Variants in DST observed in about 807,000 individuals in gnomAD.
DST encodes dystonin.
A neutral mutation model predicts 875.2 loss-of-function variants in DST; 253 were observed. The observed-to-expected ratio is 0.29, with a 90% CI of 0.26 to 0.32. DST has a LOEUF of 0.32. Among genes scored for constraint, DST ranks in the 10% least tolerant of loss-of-function variants. The pLI is 1.00. For synonymous variants in DST, 3,124 were observed against 3,197.1 expected (o/e 0.98, Z 0.77); for missense variants, 8,287 against 9,111.6 (o/e 0.91, Z 3.68).
chr6:56,645,810 A>T, intron 15 of DST, 56 bp downstream of exon 15: 3 of 1,589,172 alleles, frequency 1.9e-6, no homozygotes, highest in Non-Finnish European at 2.6e-6. Flanking sequence ...CTTTCACAAG[A>T]ACACAAAGGC....
intron 37 of DST, among the ~76,000 whole-genome samples, chr6:56,611,809 A>G (rs560785877): frequency 6.6e-6 from 1 of 152,296 alleles, no homozygotes; most frequent in South Asian, 2.1e-4. Context: ...CTCTATCCTT[A>G]ATGCCGTCAT....
chr6:56,523,172 A>G (rs1011357621), intron 69 of DST, among the ~76,000 whole-genome samples: 1 of 152,090 alleles, frequency 6.6e-6, no homozygotes, highest in African/African-American at 2.4e-5. Context: ...CAATGCCCGC[A>G]AATCTAGAGT....
At chr6:56,839,046 G>T (rs1180618292) in intron 4 of DST, among the ~76,000 whole-genome samples, 4 of 152,236 alleles carry the variant, frequency 2.6e-5, no homozygotes, top group African/African-American at 7.2e-5. Context: ...CTTCAATTTT[G>T]TTCAGGGCAC....
chr6:56,860,698 C>T (rs1482326800), intron 3 of DST, among the ~76,000 whole-genome samples: 1 of 152,188 alleles, frequency 6.6e-6, no homozygotes, highest in Non-Finnish European at 1.5e-5. Context: ...TCTATTCACA[C>T]TTGTTTGATC....
At chr6:56,599,427 GAC>G (rs1209002915) in intron 45 of DST, among the ~76,000 whole-genome samples, 1 of 152,016 alleles carries the variant, frequency 6.6e-6, no homozygotes, top group African/African-American at 2.4e-5. Context: ...ATGACTATGT[GAC>G]CTTAACTGTG....
At chr6:56,474,254 C>G (rs2095053031) in intron 92 of DST, 1 of 312,194 alleles carries the variant, frequency 3.2e-6, no homozygotes, top group Non-Finnish European at 6.0e-6. Flanking sequence ...GAGGCCAAGG[C>G]AGGTGGATCA....
At chr6:56,758,105 T>TG (rs2099608596) in intron 4 of DST, among the ~76,000 whole-genome samples, 6 of 152,148 alleles carry the variant, frequency 3.9e-5, no homozygotes, top group Admixed American at 3.9e-4. Flanking sequence ...AGCAGAAACT[T>TG]TTCCCCATAT....
At chr6:56,914,565 C>T (rs1800061369) in intron 2 of DST, among the ~76,000 whole-genome samples, 1 of 152,190 alleles carries the variant, frequency 6.6e-6, no homozygotes, top group Admixed American at 6.5e-5. Flanking sequence ...CCCAATCCTG[C>T]TTCCCTCACT....
chr6:56,953,749 T>A, intron 2 of DST, 36 bp downstream of exon 2: 1 of 1,303,082 alleles, frequency 7.7e-7, no homozygotes, highest in South Asian at 1.2e-5. Flanking sequence ...AAAGAGAACT[T>A]CTTCTGACCT....
intron 47 of DST, among the ~76,000 whole-genome samples, 176 bp downstream of exon 47, chr6:56,597,564 C>T (rs2098403568): frequency 6.6e-6 from 1 of 152,142 alleles, no homozygotes; most frequent in Non-Finnish European, 1.5e-5. Flanking sequence ...CAATTTATTT[C>T]TCATTATTTT....
At chr6:56,511,148 G>T in intron 73 of DST, 49 bp downstream of exon 73, 2 of 1,446,024 alleles carry the variant, frequency 1.4e-6, no homozygotes, top group Non-Finnish European at 1.9e-6. Flanking sequence ...GTCTTTCTGT[G>T]CTCTGTTGTC....
At chr6:56,751,969 C>T (rs914631925) in intron 4 of DST, among the ~76,000 whole-genome samples, 2 of 152,086 alleles carry the variant, frequency 1.3e-5, no homozygotes, top group Non-Finnish European at 2.9e-5. Flanking sequence ...TTTTTGCATA[C>T]AAATCTCTAT....
At position 56,946,339 on chromosome 6, in the gene DST, G is replaced by A. The variant is rs558370868; in HGVS notation, c.216+7446C>T. On this transcript the variant is annotated intron_variant, in intron 2 of 103. Coordinates refer to ENST00000680361, the MANE Select transcript of DST (RefSeq NM_001374736.1). ...TAAGTGTGAGTGGTTCTAAATAGTA[G>A]CAGCAGAAGCCAGATTAAATTGAGG... 1.4e-4 allele frequency among the ~76,000 whole-genome samples: 21 copies of A among 152,336 alleles called. No individual in the cohort carries two copies. In the South Asian group the frequency reaches 4.3e-3, roughly 32 times the overall value.
At chr6:56,618,463 T>C (rs751127814) in intron 36 of DST, 3 of 1,614,104 alleles carry the variant, frequency 1.9e-6, no homozygotes, top group Non-Finnish European at 2.5e-6. Flanking sequence ...CTAATTGATG[T>C]TCATGCTCTT....
chr6:56,463,764 G>A lies in DST; in HGVS notation c.22760C>T (p.Ala7587Val). The A allele has an allele frequency of 1.2e-6, 2 of 1,613,908 alleles. No individual in the cohort carries two copies. Among genetic ancestry groups the A allele is most frequent in the Non-Finnish European group, 1.7e-6 (2 of 1,179,874 alleles). The change falls in exon 101 of 104, where the codon GCC becomes GTC. Residue 7587 changes from alanine (A) to valine (V), a missense_variant and splice_region_variant. By Grantham distance (64) the Ala-to-Val change is moderately conservative (BLOSUM62 0). Coordinates refer to ENST00000680361, the MANE Select transcript of DST (RefSeq NM_001374736.1). ...SSITTTQPTIAKGRTNMELRE... is the reference protein window; with the variant it reads ...SSITTTQPTIVKGRTNMELRE... ...CAGTTCCATGTTTGTCCTTCCTTTG[G>A]CTGGGTTATACACACACAACAATGC...
chr6:56,585,922 T>C (rs1274587618), intron 49 of DST, among the ~76,000 whole-genome samples: 1 of 152,230 alleles, frequency 6.6e-6, no homozygotes. Flanking sequence ...AGTTTCTTAA[T>C]CCTGAGCTCT....
chr6:56,857,575 C>A (rs1337556105), intron 3 of DST, among the ~76,000 whole-genome samples: 1 of 152,148 alleles, frequency 6.6e-6, no homozygotes, highest in African/African-American at 2.4e-5. Context: ...CTCTGCTATT[C>A]ATTTATTAAT....
chr6:56,618,438 C>T, intron 36 of DST: 1 of 1,614,160 alleles, frequency 6.2e-7, no homozygotes, highest in Non-Finnish European at 8.5e-7. Context: ...TTTTGAATTT[C>T]ACACTGGAGC....
chr6:56,518,240 T>C (rs2096633208), intron 69 of DST, among the ~76,000 whole-genome samples: 1 of 152,162 alleles, frequency 6.6e-6, no homozygotes, highest in Admixed American at 6.6e-5. Context: ...TTCCTGATCA[T>C]AACAGTAATT....
Sources: gnomAD v4.1 joint callset for allele counts (sites outside exome capture counted in the v4.1 genomes callset) on GRCh38, gnomAD v4.1.1 for gene constraint, MANE v1.5 for transcripts, NCBI Gene and HGNC (gene_info 2026-07-23, HGNC 2026-07-21) for gene names.